Variants in ZNF26 observed in about 807,000 individuals in gnomAD.
ZNF26 encodes zinc finger protein 26.
Under a neutral mutation model 54.9 loss-of-function variants are expected in ZNF26, and 32 were observed. The ratio of observed to expected loss-of-function variants is 0.58; its 90% confidence interval spans 0.44 to 0.78. ZNF26 has a LOEUF of 0.78. Among genes scored for constraint, ZNF26 ranks in the 30% least tolerant of loss-of-function variants. The probability of loss-of-function intolerance (pLI) is 0.00; values close to 1 mark genes in which losing one functional copy is unlikely to be tolerated. For synonymous variants in ZNF26, 221 were observed against 209.2 expected, an observed-to-expected ratio of 1.06 and a Z score of -0.49; for missense variants, 524 against 634.0, an observed-to-expected ratio of 0.83 and a Z score of 1.86.
chr12:132,988,409 A>T (rs9888354), intron 1 of ZNF26, among the ~76,000 whole-genome samples: 30,467 of 147,422 alleles, frequency 0.21, 3,872 homozygotes, highest in Non-Finnish European at 0.29. Context: ...CTAATTAAAA[A>T]TTTTTTTTTT....
At chr12:132,987,220 G>T (rs1426703991) in intron 1 of ZNF26, among the ~76,000 whole-genome samples, 1 of 151,978 alleles carries the variant, frequency 6.6e-6, no homozygotes, top group Non-Finnish European at 1.5e-5. Context: ...CTCCTTTTTC[G>T]TTTGGCCAAA....
rs1236472545 is a variant in ZNF26 at position 133,026,985 on chromosome 12, T to C, written c.*15504T>C. On this transcript the variant is annotated 3_prime_UTR_variant, in exon 4 of 4. Transcript: ENST00000328654. ...AATAAATTGGAACAATTCTTTGTTA[T>C]AAAATTCTTAAGAAACTCAGAATAA... 6.6e-6 allele frequency: 1 copy of C among 152,196 alleles called. No homozygotes were observed. Among genetic ancestry groups the C allele is most frequent in the African/African-American group, 2.4e-5 (1 of 41,454 alleles). 9.4% of individuals were successfully genotyped at this position (152,196 alleles called of 1,614,324 possible).
At chr12:132,991,915 A>G (rs2137214055) in intron 1 of ZNF26, among the ~76,000 whole-genome samples, 1 of 152,256 alleles carries the variant, frequency 6.6e-6, no homozygotes, top group South Asian at 2.1e-4. Flanking sequence ...TGGGAGGCTG[A>G]GGCCGGCGGG....
rs1953674810 is a variant in ZNF26, at chr12:133,024,138, T to G, written c.*12657T>G. The stretch of plus-strand genomic sequence containing the variant: ...CTACAGTAGTGATTGGAATAGAAAT[T>G]TAGTGTTGGAAGTGGGGTTCTACTT... On this transcript the variant is annotated 3_prime_UTR_variant, in exon 4 of 4. Transcript: ENST00000328654. 2 of 152,162 alleles carry G rather than the reference T, an allele frequency of 1.3e-5. No homozygotes were observed. The allele number at this position is 152,162 out of a possible 1,614,324, so 9.4% of individuals were successfully genotyped here.
At chr12:133,010,094 T>C in intron 3 of ZNF26, 42 bp from the exon 4 acceptor site, 1 of 1,548,144 alleles carries the variant, frequency 6.5e-7, no homozygotes, top group Non-Finnish European at 8.7e-7. Context: ...ATCAGGTTTA[T>C]GTTATGATTC....
intron 3 of ZNF26, among the ~76,000 whole-genome samples, chr12:133,008,227 T>C (rs2137254326): frequency 6.6e-6 from 1 of 152,278 alleles, no homozygotes; most frequent in South Asian, 2.1e-4. Context: ...GTATCAGAAA[T>C]GGGGATTTCC....
chr12:133,023,486 A>T lies in ZNF26; in HGVS notation c.*12005A>T, dbSNP rs1953667237. 2 of 152,376 alleles carry T rather than the reference A, an allele frequency of 1.3e-5. No homozygotes were observed. The highest frequency in any genetic ancestry group is 4.1e-4 in the South Asian group (2 of 4,824). 9.4% of individuals were successfully genotyped at this position (152,376 alleles called of 1,614,324 possible). A position where few individuals can be genotyped will look rare whatever the true frequency, so the allele number is the denominator to read the frequency against. ...TCAGGATAGAGACAGTAGAAGAAAA[A>T]ATAAATACAGGTCAATCTAATATAT... is the stretch of plus-strand genomic sequence containing the variant. On this transcript the variant is annotated 3_prime_UTR_variant, in exon 4 of 4. Transcript: ENST00000328654.
At chr12:133,000,795 G>C (rs948111746) in intron 1 of ZNF26, among the ~76,000 whole-genome samples, 56 of 152,184 alleles carry the variant, frequency 3.7e-4, no homozygotes, top group African/African-American at 1.3e-3. Context: ...CTGATTGCAG[G>C]TGATCCACCC....
chr12:132,999,645 A>G (rs2137233268), intron 1 of ZNF26, among the ~76,000 whole-genome samples: 1 of 152,250 alleles, frequency 6.6e-6, no homozygotes, highest in South Asian at 2.1e-4. Context: ...TATTGTGTCA[A>G]GGAAATTCCT....
chr12:133,000,928 G>A (rs1004606962), intron 1 of ZNF26, among the ~76,000 whole-genome samples: 2 of 151,972 alleles, frequency 1.3e-5, no homozygotes, highest in Non-Finnish European at 2.9e-5. Context: ...AAGCCTCCTG[G>A]TCTACCCGCT....
chr12:132,987,750 A>G, intron 1 of ZNF26: 1 of 985,172 alleles, frequency 1.0e-6, no homozygotes, highest in Non-Finnish European at 1.2e-6. Flanking sequence ...GACCAACTGG[A>G]ACCCTCAAGA....
At chr12:133,003,445 G>A (rs1426863141) in intron 1 of ZNF26, among the ~76,000 whole-genome samples, 12 of 151,950 alleles carry the variant, frequency 7.9e-5, no homozygotes, top group African/African-American at 2.4e-4. Flanking sequence ...TAGTAGAGAC[G>A]GGGTTTCACC....
At position 132,986,805 on chromosome 12, in the gene ZNF26, T is replaced by C; in HGVS notation, c.-36T>C. The C allele has an allele frequency of 6.3e-7, 1 of 1,587,996 alleles. No homozygotes were observed. Among genetic ancestry groups the C allele is most frequent in the Non-Finnish European group, 8.6e-7 (1 of 1,166,756 alleles). On this transcript the variant is annotated 5_prime_UTR_variant, in exon 1 of 4. Transcript: ENST00000328654. ...CGGTCTCTCCGCAGCCCGCGGGTCC[T>C]GCCCCCGCAGGCAGCGCGCGAACGT...
chr12:133,000,852 C>A (rs1953201399), intron 1 of ZNF26, among the ~76,000 whole-genome samples: 1 of 152,110 alleles, frequency 6.6e-6, no homozygotes, highest in East Asian at 1.9e-4. Flanking sequence ...AACTACCATG[C>A]CTGGCCTGTT....
At chr12:132,994,552 A>G (rs1362281582) in intron 1 of ZNF26, among the ~76,000 whole-genome samples, 1 of 152,142 alleles carries the variant, frequency 6.6e-6, no homozygotes, top group African/African-American at 2.4e-5. Flanking sequence ...ATATTCTTCT[A>G]GGTCTTTCCC....
intron 1 of ZNF26, among the ~76,000 whole-genome samples, chr12:132,994,340 C>CT (rs1953027230): frequency 1.3e-5 from 2 of 152,320 alleles, no homozygotes; most frequent in African/African-American, 4.8e-5. Context: ...TCTTTCAGAT[C>CT]TAAGAAGAGT....
At chr12:132,986,944 TACTCCGGGAACTGA>T in intron 1 of ZNF26, 71 bp downstream of exon 1, 1 of 1,500,864 alleles carries the variant, frequency 6.7e-7, no homozygotes, top group Non-Finnish European at 9.1e-7. Flanking sequence ...TCTTCAGGGT[TACTCCGGGAACTGA>T]ACTCACATTC....
rs1446720608 is a variant in ZNF26, at chr12:133,011,278, G to C, written c.1399G>C (p.Ala467Pro). Reference protein sequence around the residue: ...NECEKAYPRKASLQIHQKTHS... With the variant: ...NECEKAYPRKPSLQIHQKTHS... Reference sequence around the variant, plus strand: ...ATGTGAAAAAGCCTACCCTAGGAAGGCATCACTTCAGATACACCAGAAAAC... The same window carrying C: ...ATGTGAAAAAGCCTACCCTAGGAAGCCATCACTTCAGATACACCAGAAAAC... Residue 467 changes from alanine (A) to proline (P), a missense_variant, in exon 4 of 4, where the codon GCA becomes CCA. Coordinates refer to ENST00000328654, the MANE Select transcript of ZNF26 (RefSeq NM_019591.4). The C allele has an allele frequency of 6.2e-7, 1 of 1,613,882 alleles. No homozygotes were observed.
intron 1 of ZNF26, among the ~76,000 whole-genome samples, chr12:132,992,897 C>T (rs1457787714): frequency 6.6e-6 from 1 of 151,174 alleles, no homozygotes; most frequent in Non-Finnish European, 1.5e-5. Context: ...GTTCTCTTTG[C>T]TTGAAGGTTT....
Sources: gnomAD v4.1 joint callset for allele counts (sites outside exome capture counted in the v4.1 genomes callset) on GRCh38, gnomAD v4.1.1 for gene constraint, MANE v1.5 for transcripts, NCBI Gene and HGNC (gene_info 2026-07-23, HGNC 2026-07-21) for gene names.